The following PHF3 variants were observed in gnomAD, a reference collection of about 807,000 sequenced individuals.
PHF3 encodes the protein PHD finger protein 3.
Under a neutral mutation model 178.4 loss-of-function variants are expected in PHF3, and 41 were observed. The observed-to-expected ratio is 0.23, with a 90% CI of 0.18 to 0.30. The LOEUF (loss-of-function observed/expected upper bound fraction) is 0.30, where lower values mean the gene tolerates loss of function less well. Among genes scored for constraint, PHF3 ranks in the 10% least tolerant of loss-of-function variants. PHF3 has a pLI of 1.00. For missense variants in PHF3, 2,346 were observed against 2,398.1 expected (o/e 0.98, Z 0.45); for synonymous variants, 842 against 800.5 (o/e 1.05, Z -0.88).
At chr6:63,676,271 A>T (rs549817953) in intron 2 of PHF3, among the ~76,000 whole-genome samples, 8 of 152,214 alleles carry the variant, frequency 5.3e-5, no homozygotes, top group African/African-American at 9.6e-5. Flanking sequence ...TCAGCCACAA[A>T]TAGGAGACAA....
At chr6:63,708,855 A>G (rs1174140910) in intron 13 of PHF3, among the ~76,000 whole-genome samples, 1 of 152,132 alleles carries the variant, frequency 6.6e-6, no homozygotes, top group African/African-American at 2.4e-5. Flanking sequence ...CTGAATTGTT[A>G]ATGTGGTATG....
intron 2 of PHF3, among the ~76,000 whole-genome samples, chr6:63,655,109 G>C (rs897586044): frequency 2.0e-5 from 3 of 151,876 alleles, no homozygotes; most frequent in Admixed American, 1.3e-4. Flanking sequence ...TGTTGCTCAG[G>C]CTGTAGTGCA....
At chr6:63,655,665 T>C (rs1765202294) in intron 2 of PHF3, among the ~76,000 whole-genome samples, 1 of 152,220 alleles carries the variant, frequency 6.6e-6, no homozygotes, top group Non-Finnish European at 1.5e-5. Flanking sequence ...TTAAATTATA[T>C]GCAATATAGC....
chr6:63,680,373 C>T (rs1272542853), intron 3 of PHF3, among the ~76,000 whole-genome samples: 1 of 150,956 alleles, frequency 6.6e-6, no homozygotes, highest in Non-Finnish European at 1.5e-5. Context: ...CCAGGGGAAA[C>T]CACTAGTAAC....
In PHF3 at chr6:63,713,514, C is replaced by T. The variant is rs1227685514; in HGVS notation, c.5926C>T (p.His1976Tyr). The change falls in exon 16 of 16, where the codon CAT (histidine) becomes TAT (tyrosine). Residue 1976 changes from histidine to tyrosine, a missense_variant. His to Tyr is a moderately conservative substitution (Grantham distance 83). Transcript: ENST00000262043. Reference protein sequence around the residue: ...HKDKERARLSHGDRGTDGKAS... With the variant: ...HKDKERARLSYGDRGTDGKAS... ...AGATAAAGAGAGGGCACGGTTATCACATGGTGATCGAGGAACAGATGGAAA... is the reference window on the plus strand; with the variant it reads ...AGATAAAGAGAGGGCACGGTTATCATATGGTGATCGAGGAACAGATGGAAA... The T allele has an allele frequency of 1.9e-6, 3 of 1,613,626 alleles. No individual in the cohort carries two copies. The highest frequency in any genetic ancestry group is 2.5e-6 in the Non-Finnish European group (3 of 1,179,882).
chr6:63,702,682 A>G, intron 10 of PHF3, 43 bp downstream of exon 10: 1 of 1,545,184 alleles, frequency 6.5e-7, no homozygotes, highest in South Asian at 1.2e-5. Context: ...AAACATGAAG[A>G]TTCAGAAAAG....
intron 2 of PHF3, among the ~76,000 whole-genome samples, chr6:63,649,809 AT>A (rs570890240): frequency 2.5e-4 from 38 of 152,214 alleles, no homozygotes; most frequent in African/African-American, 8.7e-4. Flanking sequence ...CCATTAATAT[AT>A]TTTTTTAACC....
chr6:63,655,386 G>GT (rs1348627828), intron 2 of PHF3, among the ~76,000 whole-genome samples: 2 of 151,702 alleles, frequency 1.3e-5, no homozygotes, highest in African/African-American at 2.4e-5. Flanking sequence ...CTGTTTTTGT[G>GT]TTTTTTTGTA....
In PHF3 at chr6:63,684,675, T is replaced by C. The variant is rs1766596796; in HGVS notation, c.953T>C (p.Val318Ala). Residue 318 changes from valine (V) to alanine (A), a missense_variant, in exon 4 of 16, where the codon GTT becomes GCT. This residue lies in a region of PHF3 where 843 missense variants were observed against 795.2 expected (regional missense o/e 1.06). Coordinates refer to ENST00000262043, the MANE Select transcript of PHF3 (RefSeq NM_001370348.2). ...GAAGAAATGATAGCAACAAGAAAAG[T>C]TGAACAAGATTCAAAGGAGACAGTA... ...VVEEMIATRK[V>A]EQDSKETVKL... The C allele has an allele frequency of 6.2e-7, 1 of 1,613,772 alleles. No homozygotes were observed. The highest frequency in any genetic ancestry group is 1.6e-4 in the Middle Eastern group (1 of 6,062).
Position 63,721,736 on chromosome 6 carries a change from G to C in PHF3, c.*8028G>C. The stretch of plus-strand genomic sequence containing the variant: ...GGAGAGTTTCTAGAATGATAGTTCT[G>C]TCGCCAAGGTTGTAGCGAAGTTGAA... On this transcript the variant is annotated 3_prime_UTR_variant, in exon 16 of 16. Coordinates refer to ENST00000262043, the MANE Select transcript of PHF3 (RefSeq NM_001370348.2). The C allele has an allele frequency of 6.4e-7, 1 of 1,550,580 alleles. No homozygotes were observed. The highest frequency in any genetic ancestry group is 8.7e-7 in the Non-Finnish European group (1 of 1,146,018).
At position 63,680,080 on chromosome 6, in the gene PHF3, T is replaced by C. The variant is rs753791596; in HGVS notation, c.325T>C (p.Leu109=). Residue 109 remains leucine (L), a synonymous_variant, in exon 3 of 16, where the codon TTA becomes CTA. Coordinates refer to ENST00000262043, the MANE Select transcript of PHF3 (RefSeq NM_001370348.2). ...NDTIDEEELI[L]PNRNLRDKVE... ...TACCATTGATGAAGAAGAACTGATT[T>C]TACCTAACAGGAACTTAAGGGACAA... is the stretch of plus-strand genomic sequence containing the variant. 1 of 1,612,900 alleles carries C rather than the reference T, an allele frequency of 6.2e-7. No individual in the cohort carries two copies. Among genetic ancestry groups the C allele is most frequent in the African/African-American group, 1.3e-5 (1 of 74,866 alleles).
At chr6:63,704,625 A>G (rs1279227919) in intron 11 of PHF3, among the ~76,000 whole-genome samples, 2 of 151,976 alleles carry the variant, frequency 1.3e-5, no homozygotes, top group Non-Finnish European at 2.9e-5. Context: ...GTCTGGATGT[A>G]TAGTTTTTCC....
rs1348246003 is a variant in PHF3 at position 63,688,365 on chromosome 6, C to A, written c.2189+2454C>A. 2.9e-3 allele frequency among the ~76,000 whole-genome samples: 3 copies of A among 1,020 alleles called. No individual in the cohort carries two copies. The African/African-American group carries it at 0.037, about 12-fold the overall frequency. 0.7% of individuals were successfully genotyped at this position (1,020 alleles called of 152,430 possible). On this transcript the variant is annotated intron_variant, in intron 4 of 15. Coordinates refer to ENST00000262043, the MANE Select transcript of PHF3 (RefSeq NM_001370348.2). The stretch of plus-strand genomic sequence containing the variant: ...TCTTCTCTTGTTTTTAAGACAAAGT[C>A]TCACTGTTGCCCAGGGGTGGAGAGC...
intron 8 of PHF3, among the ~76,000 whole-genome samples, chr6:63,699,450 T>G (rs1767378510): frequency 6.6e-6 from 1 of 152,190 alleles, no homozygotes; most frequent in South Asian, 2.1e-4. Context: ...GTAGGTGATT[T>G]GAGGTATTTT....
At position 63,685,044 on chromosome 6, in the gene PHF3, G is replaced by A. The variant is rs1561964608; in HGVS notation, c.1322G>A (p.Cys441Tyr). Reference sequence around the variant, plus strand: ...AGTAATATCTTGGAAAATGCTATTTGTGATGTGCCTGACCAAAATTCAAAA... The same window carrying A: ...AGTAATATCTTGGAAAATGCTATTTATGATGTGCCTGACCAAAATTCAAAA... ...PESNILENAI[C>Y]DVPDQNSKQL... The change falls in exon 4 of 16, where the codon TGT (cysteine) becomes TAT (tyrosine). Residue 441 changes from cysteine (C) to tyrosine (Y), a missense_variant. Transcript: ENST00000262043. The A allele has an allele frequency of 1.2e-6, 2 of 1,614,086 alleles. No individual in the cohort carries two copies. The highest frequency in any genetic ancestry group is 1.7e-6 in the Non-Finnish European group (2 of 1,179,988).
rs1191105508 is a variant in PHF3, at chr6:63,723,530, A to G, written c.*9822A>G. Among the ~76,000 whole-genome samples the G allele has an allele frequency of 6.6e-6, 1 of 152,084 alleles. No homozygotes were observed. Among genetic ancestry groups the G allele is most frequent in the Non-Finnish European group, 1.5e-5 (1 of 68,006 alleles). Reference sequence around the variant, plus strand: ...GCTACATTAGAATAAAAAATATCTAAGAAATGATTAGGAAAGCTGAAGCTG... The same window carrying G: ...GCTACATTAGAATAAAAAATATCTAGGAAATGATTAGGAAAGCTGAAGCTG... On this transcript the variant is annotated 3_prime_UTR_variant, in exon 16 of 16. Coordinates refer to ENST00000262043, the MANE Select transcript of PHF3 (RefSeq NM_001370348.2).
chr6:63,645,006 G>A (rs1041908107), intron 1 of PHF3, among the ~76,000 whole-genome samples: 1 of 151,346 alleles, frequency 6.6e-6, no homozygotes, highest in African/African-American at 2.4e-5. Flanking sequence ...TCAGCCGCCC[G>A]AGTGACTGGG....
intron 1 of PHF3, among the ~76,000 whole-genome samples, chr6:63,638,379 A>T (rs1187413042): frequency 5.9e-5 from 9 of 152,128 alleles, no homozygotes; most frequent in Admixed American, 1.3e-4. Context: ...TGTTTCAGTT[A>T]CTGAAATAGA....
intron 2 of PHF3, among the ~76,000 whole-genome samples, chr6:63,648,350 G>C (rs920375222): frequency 6.6e-6 from 1 of 152,100 alleles, no homozygotes; most frequent in Non-Finnish European, 1.5e-5. Flanking sequence ...TATGCTGACT[G>C]TTTCCTAGTT....
Sources: allele counts gnomAD v4.1 joint callset (sites outside exome capture counted in the v4.1 genomes callset), GRCh38; gene constraint gnomAD v4.1.1; regional missense constraint gnomAD v4.1.1; transcripts MANE v1.5; gene names NCBI Gene and HGNC (gene_info 2026-07-23, HGNC 2026-07-21).